The following APP variants were observed in gnomAD, a reference collection of about 807,000 sequenced individuals.
The protein encoded by APP is amyloid-beta precursor protein.
In APP, 31 loss-of-function variants were observed where a neutral mutation model predicts 101.4. That is an observed-to-expected ratio of 0.31 (90% CI 0.23 to 0.41). The LOEUF (loss-of-function observed/expected upper bound fraction) is 0.41. APP is among the 10% of genes least tolerant of loss of function. The pLI is 1.00. For missense variants in APP, 839 were observed against 1,003.7 expected (o/e 0.84, Z 2.22); for synonymous variants, 366 against 364.4 (o/e 1.00, Z -0.05).
At chr21:26,070,399 G>C (rs1204172343) in intron 3 of APP, among the ~76,000 whole-genome samples, 1 of 152,136 alleles carries the variant, frequency 6.6e-6, no homozygotes, top group Non-Finnish European at 1.5e-5. Flanking sequence ...GAAGGTTTAA[G>C]TACATTAAGG....
intron 16 of APP, among the ~76,000 whole-genome samples, chr21:25,896,425 C>A (rs1056867711): frequency 5.3e-5 from 8 of 151,902 alleles, no homozygotes; most frequent in Non-Finnish European, 1.0e-4. Context: ...CACTCACACA[C>A]ACACACACAC....
rs979089782 is a variant in APP, at chr21:26,039,349, A to G, written c.662+11651T>C. Among the ~76,000 whole-genome samples the G allele has an allele frequency of 2.1e-4, 32 of 152,352 alleles. 1 individual carries two copies. Among genetic ancestry groups the G allele is most frequent in the African/African-American group, 7.2e-4 (30 of 41,580 alleles). ...GGCTGGCAATTAGGTCACTAAGCAA[A>G]AAATCTTGGAAGACCAAATTCGACC... is the stretch of plus-strand genomic sequence containing the variant. On this transcript the variant is annotated intron_variant, in intron 5 of 17. Transcript: ENST00000346798.
At chr21:26,132,834 G>A (rs1333155031) in intron 1 of APP, among the ~76,000 whole-genome samples, 1 of 152,140 alleles carries the variant, frequency 6.6e-6, no homozygotes, top group African/African-American at 2.4e-5. Context: ...GGGTTGACAT[G>A]GTCTAAGAAA....
In APP at chr21:26,141,622, A is replaced by C. The variant is rs148657240; in HGVS notation, c.57+28942T>G. Among the ~76,000 whole-genome samples, 48 of 152,324 alleles carry C rather than the reference A, an allele frequency of 3.2e-4. No individual in the cohort carries two copies. The East Asian group carries it at 8.7e-3, about 28-fold the overall frequency. On this transcript the variant is annotated intron_variant, in intron 1 of 17. Transcript: ENST00000346798. ...AAACATCTGGCAAATAGAAGACACT[A>C]TGAGCCAATCAATCACCAATGCTGG...
At chr21:25,905,175 G>T in intron 14 of APP, 98 bp from the exon 15 acceptor site, 1 of 1,007,786 alleles carries the variant, frequency 9.9e-7, no homozygotes, top group Non-Finnish European at 1.5e-6. Flanking sequence ...AAAAGCATAT[G>T]CAATAAACAA....
At chr21:26,121,322 GCA>G (rs932064545) in intron 1 of APP, among the ~76,000 whole-genome samples, 3 of 152,106 alleles carry the variant, frequency 2.0e-5, no homozygotes, top group African/African-American at 7.2e-5. Context: ...CCTCATACCT[GCA>G]CAGTTAGGAT....
At chr21:25,888,433 C>T (rs935980923) in intron 17 of APP, among the ~76,000 whole-genome samples, 8 of 152,116 alleles carry the variant, frequency 5.3e-5, no homozygotes, top group South Asian at 2.1e-4. Flanking sequence ...GACAGAAAAG[C>T]GGAATGTGGT....
At chr21:25,969,343 G>C (rs1203058585) in intron 11 of APP, among the ~76,000 whole-genome samples, 1 of 79,542 alleles carries the variant, frequency 1.3e-5, no homozygotes. Flanking sequence ...GCAAGACTCT[G>C]TCTCAAAAAA....
chr21:25,924,429 GA>G (rs1338097815), intron 13 of APP, among the ~76,000 whole-genome samples: 1 of 53,690 alleles, frequency 1.9e-5, no homozygotes, highest in African/African-American at 8.4e-5. Context: ...AAAAAAAAAG[GA>G]AAAAAAAAAA....
chr21:25,934,032 A>G (rs2040258557), intron 13 of APP: 1 of 152,232 alleles, frequency 6.6e-6, no homozygotes, highest in African/African-American at 2.4e-5. Flanking sequence ...AGATGAGGTC[A>G]CAATGGAGAA....
At chr21:25,884,979 C>G (rs906928635) in intron 17 of APP, among the ~76,000 whole-genome samples, 3 of 152,258 alleles carry the variant, frequency 2.0e-5, no homozygotes, top group African/African-American at 7.2e-5. Flanking sequence ...ATCCAGACCT[C>G]TAACTCTCCT....
intron 11 of APP, among the ~76,000 whole-genome samples, chr21:25,957,719 TA>T (rs1183187296): frequency 6.6e-6 from 1 of 151,918 alleles, no homozygotes; most frequent in African/African-American, 2.4e-5. Context: ...GCACTTCAAT[TA>T]AAAAAGTAAG....
chr21:26,014,268 T>A (rs1476164505), intron 6 of APP, among the ~76,000 whole-genome samples: 1 of 152,154 alleles, frequency 6.6e-6, no homozygotes, highest in Non-Finnish European at 1.5e-5. Context: ...ATATTAATCA[T>A]AAGTAAAAAT....
At chr21:25,894,085 C>CT (rs920201208) in intron 16 of APP, among the ~76,000 whole-genome samples, 3 of 152,176 alleles carry the variant, frequency 2.0e-5, no homozygotes, top group African/African-American at 7.2e-5. Flanking sequence ...CAGCACATCT[C>CT]TTAACAGCAT....
intron 6 of APP, among the ~76,000 whole-genome samples, chr21:26,002,349 T>G (rs1310267696): frequency 6.6e-6 from 1 of 152,272 alleles, no homozygotes; most frequent in Non-Finnish European, 1.5e-5. Context: ...TATAGGGAAG[T>G]AAAACAATAG....
intron 13 of APP, among the ~76,000 whole-genome samples, chr21:25,944,620 T>A (rs2040725745): frequency 6.6e-6 from 1 of 152,236 alleles, no homozygotes; most frequent in Non-Finnish European, 1.5e-5. Context: ...TATTTCAAAA[T>A]TAATCTCAAA....
chr21:26,004,989 T>A (rs983217320), intron 6 of APP, among the ~76,000 whole-genome samples: 8 of 152,242 alleles, frequency 5.3e-5, no homozygotes, highest in Admixed American at 3.3e-4. Context: ...AACTCATCCT[T>A]TTTTATGGCT....
intron 6 of APP, among the ~76,000 whole-genome samples, chr21:26,012,878 CAGG>C (rs1417897587): frequency 1.3e-5 from 2 of 152,120 alleles, no homozygotes; most frequent in African/African-American, 4.8e-5. Flanking sequence ...GAAGCTGAGG[CAGG>C]AGAATTGAGA....
intron 3 of APP, among the ~76,000 whole-genome samples, chr21:26,088,122 C>A (rs1394171939): frequency 1.3e-5 from 2 of 152,046 alleles, no homozygotes; most frequent in African/African-American, 4.8e-5. Context: ...TAGGCTTGAG[C>A]CACCACACCC....
Sources: gnomAD v4.1 joint callset for allele counts (sites outside exome capture counted in the v4.1 genomes callset) on GRCh38, gnomAD v4.1.1 for gene constraint, MANE v1.5 for transcripts, NCBI Gene and HGNC (gene_info 2026-07-23, HGNC 2026-07-21) for gene names.